The following ARHGAP27 variants were observed in gnomAD, a reference collection of about 807,000 sequenced individuals.
The protein encoded by ARHGAP27 is rho GTPase-activating protein 27.
Under a neutral mutation model 102.0 loss-of-function variants are expected in ARHGAP27, and 53 were observed. The ratio of observed to expected loss-of-function variants is 0.52; its 90% CI spans 0.42 to 0.65. ARHGAP27 has a LOEUF of 0.65. Ranked by LOEUF, ARHGAP27 falls within the 30% of genes least tolerant of loss-of-function variation. The probability of loss-of-function intolerance (pLI) is 0.00; values close to 1 mark genes in which losing one functional copy is unlikely to be tolerated. For synonymous variants in ARHGAP27, 525 were observed against 542.8 expected (o/e 0.97, Z 0.46); for missense variants, 1,117 against 1,256.2 (o/e 0.89, Z 1.68).
In ARHGAP27 at chr17:45,396,930, G is replaced by A. The variant is rs773861287; in HGVS notation, c.1937C>T (p.Ala646Val). 1.2e-6 allele frequency: 2 copies of A among 1,606,194 alleles called. No homozygotes were observed. Among genetic ancestry groups the A allele is most frequent in the African/African-American group, 2.7e-5 (2 of 74,936 alleles). Residue 646 changes from alanine (A) to valine (V), a missense_variant, in exon 14 of 20, where the codon GCG (alanine) becomes GTG (valine). Transcript: ENST00000685559. ...CTTGCGCACACCTGCATTCGGTCGC[G>A]CGTCCTCCTCTTTCTCCTGCCAGCT... The part of the protein sequence containing the change: ...LGSWQEKEED[A>V]RPNAAAPALG...
intron 4 of ARHGAP27, among the ~76,000 whole-genome samples, chr17:45,407,225 C>T (rs1567709898): frequency 6.6e-6 from 1 of 152,156 alleles, no homozygotes; most frequent in Non-Finnish European, 1.5e-5. Flanking sequence ...TGCTAGAGGT[C>T]CCCACCGTCC....
chr17:45,396,614 C>G (rs1348989853), intron 15 of ARHGAP27, 29 bp from the exon 16 acceptor site: 1 of 1,610,570 alleles, frequency 6.2e-7, no homozygotes, highest in Non-Finnish European at 8.5e-7. Context: ...AGCTCCTGCC[C>G]AGCCTGCGCC....
intron 12 of ARHGAP27, chr17:45,401,776 A>G (rs2046465916): frequency 6.6e-6 from 1 of 152,234 alleles, no homozygotes; most frequent in Non-Finnish European, 1.5e-5. Flanking sequence ...TGCACCTGAT[A>G]GCCCTTCTCT....
In ARHGAP27 at chr17:45,397,725, A is replaced by G. The variant is rs1055557057; in HGVS notation, c.1842+224T>C. 7.3e-6 allele frequency: 3 copies of G among 413,412 alleles called. No homozygotes were observed. In the East Asian group the frequency reaches 1.0e-4, roughly 14 times the overall value. 25.6% of individuals were successfully genotyped at this position (413,412 alleles called of 1,614,324 possible). A position where few individuals can be genotyped will look rare whatever the true frequency, so the allele number is the denominator to read the frequency against. The stretch of plus-strand genomic sequence containing the variant: ...GGGAACTTCCTTTAGAATGTGCCCT[A>G]CCCTCACCTGGAGAGTCTTCCTGCA... On this transcript the variant is annotated intron_variant, in intron 13 of 19. Transcript: ENST00000685559.
chr17:45,429,389 A>G (rs1272094809), intron 4 of ARHGAP27: 1 of 1,355,672 alleles, frequency 7.4e-7, no homozygotes, highest in East Asian at 3.1e-5. Flanking sequence ...TTGGATTACG[A>G]AAAGCCTCTG....
intron 12 of ARHGAP27, among the ~76,000 whole-genome samples, chr17:45,401,399 A>T (rs1488754600): frequency 6.6e-6 from 1 of 152,242 alleles, no homozygotes; most frequent in Non-Finnish European, 1.5e-5. Flanking sequence ...AGACCTACTC[A>T]TCAGAGTAGC....
intron 4 of ARHGAP27, among the ~76,000 whole-genome samples, chr17:45,424,773 T>C (rs952173873): frequency 1.3e-5 from 2 of 151,884 alleles, no homozygotes; most frequent in African/African-American, 2.4e-5. Context: ...CTAAAGAACT[T>C]ATTCACGTAA....
Position 45,404,427 on chromosome 17 carries a change from C to T in ARHGAP27, c.1413+18G>A. The T allele has an allele frequency of 6.2e-7, 1 of 1,614,064 alleles. No individual in the cohort carries two copies. Among genetic ancestry groups the T allele is most frequent in the Non-Finnish European group, 8.5e-7 (1 of 1,179,950 alleles). ...TTCTGTGGTGGTCCTGCCAGGACCT[C>T]AATGGCTCCTCCCCTACCTTCTCCT... On this transcript the variant is annotated intron_variant, in intron 8 of 19. Coordinates refer to ENST00000685559, the MANE Select transcript of ARHGAP27 (RefSeq NM_001282290.2).
chr17:45,408,363 G>T (rs1597808342), intron 4 of ARHGAP27: 1 of 152,278 alleles, frequency 6.6e-6, no homozygotes, highest in East Asian at 1.9e-4. Context: ...TGAGTAAATG[G>T]ACAGCATGTC....
At chr17:45,412,962 CTTTTTTTTTTTTTTTT>C (rs36233058) in intron 4 of ARHGAP27, among the ~76,000 whole-genome samples, 674 of 41,130 alleles carry the variant, frequency 0.016, 15 homozygotes, top group African/African-American at 0.05. Flanking sequence ...TCAGTATAAT[CTTTTTTTTTTTTTTTT>C]TTTTTTTTTT....
rs201155871 is a variant in ARHGAP27 at position 45,404,905 on chromosome 17, A to C, written c.1248+19T>G. 27 of 1,614,108 alleles carry C rather than the reference A, an allele frequency of 1.7e-5. No homozygotes were observed. Among genetic ancestry groups the C allele is most frequent in the Non-Finnish European group, 2.0e-5 (24 of 1,180,006 alleles). ...GAGGACTCTGAGGCTGTCCGGGTCC[A>C]TCTGCCCCCTGCCCCTACCTGCTCC... On this transcript the variant is annotated intron_variant, in intron 6 of 19. Coordinates refer to ENST00000685559, the MANE Select transcript of ARHGAP27 (RefSeq NM_001282290.2).
rs773009274 is a variant in ARHGAP27, at chr17:45,404,577, AC to A, written c.1329+23del. 1.9e-6 allele frequency: 3 copies of A among 1,612,132 alleles called. No individual in the cohort carries two copies. In the East Asian group the frequency reaches 6.7e-5, roughly 36 times the overall value. ...TATGATCTCTTCCTCTCTCCCCAACACCCCCCTTTCCCCAGGTTGTTACCTG... is the reference window on the plus strand; with the variant it reads ...TATGATCTCTTCCTCTCTCCCCAACACCCCCTTTCCCCAGGTTGTTACCTG... On this transcript the variant is annotated intron_variant, in intron 7 of 19. Coordinates refer to ENST00000685559, the MANE Select transcript of ARHGAP27 (RefSeq NM_001282290.2).
chr17:45,429,219 C>T, intron 4 of ARHGAP27: 1 of 416,994 alleles, frequency 2.4e-6, no homozygotes, highest in Non-Finnish European at 4.2e-6. Flanking sequence ...ATGGGGCACA[C>T]ACCTGCAGTA....
Position 45,429,754 on chromosome 17 carries a change from C to T in ARHGAP27, c.526G>A (p.Gly176Ser), listed in dbSNP as rs2049917035. The change falls in exon 4 of 20, where the codon GGC (glycine) becomes AGC (serine). Residue 176 changes from glycine (G) to serine (S), a missense_variant. This residue lies in a region of ARHGAP27 where 610 missense variants were observed against 716.4 expected (regional missense o/e 0.85). Transcript: ENST00000685559. ...SPPAGLLGSS[G>S]SFKACSVAGS... Reference sequence around the variant, plus strand: ...GCCACGCTGCAGGCCTTGAAGCTGCCGCTGCTTCCTAGGAGGCCGGCGGGA... The same window carrying T: ...GCCACGCTGCAGGCCTTGAAGCTGCTGCTGCTTCCTAGGAGGCCGGCGGGA... The T allele has an allele frequency of 6.5e-7, 1 of 1,535,378 alleles. No individual in the cohort carries two copies. The highest frequency in any genetic ancestry group is 1.4e-5 in the African/African-American group (1 of 71,696).
intron 4 of ARHGAP27, among the ~76,000 whole-genome samples, chr17:45,415,882 A>G (rs1428453590): frequency 1.3e-5 from 2 of 152,230 alleles, no homozygotes; most frequent in Non-Finnish European, 2.9e-5. Flanking sequence ...TCCTGAACCA[A>G]ACAAACCAGC....
In ARHGAP27 at chr17:45,430,385, C is replaced by A; in HGVS notation, c.-18-88G>T. 6.8e-7 allele frequency: 1 copy of A among 1,471,744 alleles called. No homozygotes were observed. The allele number at this position is 1,471,744 out of a possible 1,614,324, so 91.2% of individuals were successfully genotyped here. A position where few individuals can be genotyped will look rare whatever the true frequency, so the allele number is the denominator to read the frequency against. ...CTCGGGGACAGACTTGGGTTCGAGT[C>A]CCGATCCTGCACTCGCCGTTCGCCT... On this transcript the variant is annotated intron_variant, in intron 3 of 19. Coordinates refer to ENST00000685559, the MANE Select transcript of ARHGAP27 (RefSeq NM_001282290.2). This position sits in a 1 kb window ranked among gnomAD's most constrained non-coding sequence, Gnocchi z 4.4.
intron 4 of ARHGAP27, among the ~76,000 whole-genome samples, chr17:45,417,317 A>C (rs1449716000): frequency 6.6e-6 from 1 of 151,444 alleles, no homozygotes; most frequent in African/African-American, 2.4e-5. Context: ...TACAAAAATT[A>C]GTGGGGCATG....
chr17:45,403,778 C>A, intron 10 of ARHGAP27, 69 bp from the exon 11 acceptor site: 1 of 1,364,868 alleles, frequency 7.3e-7, no homozygotes, highest in South Asian at 1.2e-5. Context: ...CCCCTCCTAC[C>A]CCAGGAACAA....
At position 45,398,128 on chromosome 17, in the gene ARHGAP27, G is replaced by T; in HGVS notation, c.1744-81C>A. 3.4e-6 allele frequency: 4 copies of T among 1,167,030 alleles called. No individual in the cohort carries two copies. In the African/African-American group the frequency reaches 4.6e-5, roughly 13 times the overall value. The allele number at this position is 1,167,030 out of a possible 1,614,324, so 72.3% of individuals were successfully genotyped here. On this transcript the variant is annotated intron_variant, in intron 12 of 19. Coordinates refer to ENST00000685559, the MANE Select transcript of ARHGAP27 (RefSeq NM_001282290.2). ...TTGGCCCTAGTTGGGGGTAGGTACAGAGATAGAGGTGACCTGTCCCTGCCC... is the reference window on the plus strand; with the variant it reads ...TTGGCCCTAGTTGGGGGTAGGTACATAGATAGAGGTGACCTGTCCCTGCCC...
Sources: allele counts gnomAD v4.1 joint callset (sites outside exome capture counted in the v4.1 genomes callset), GRCh38; gene constraint gnomAD v4.1.1; regional missense constraint gnomAD v4.1.1; non-coding constraint Gnocchi (gnomAD v3.1); transcripts MANE v1.5; gene names NCBI Gene and HGNC (gene_info 2026-07-23, HGNC 2026-07-21).